The following PCDHGA6 variants were observed in gnomAD, a reference collection of about 807,000 sequenced individuals.
PCDHGA6 encodes the protein protocadherin gamma subfamily A, 6.
A neutral mutation model predicts 60.6 loss-of-function variants in PCDHGA6; 41 were observed. That is an observed-to-expected ratio of 0.68 (90% confidence interval 0.53 to 0.88). The LOEUF is 0.88. Ranked by LOEUF, PCDHGA6 falls within the 40% of genes least tolerant of loss-of-function variation. The pLI is 0.00. For missense variants in PCDHGA6, 1,312 were observed against 1,203.0 expected (o/e 1.09, Z -1.34); for synonymous variants, 594 against 524.4 (o/e 1.13, Z -1.81).
At position 141,491,201 on chromosome 5, in the gene PCDHGA6, C is replaced by T. The variant is rs752813291; in HGVS notation, c.2425-3606C>T. The T allele has an allele frequency of 3.7e-6, 6 of 1,614,226 alleles. No homozygotes were observed. The Admixed American group carries it at 5.0e-5, about 13-fold the overall frequency. On this transcript the variant is annotated intron_variant, in intron 1 of 3. Transcript: ENST00000517434. This position sits in a 1 kb window ranked among gnomAD's most constrained non-coding sequence, Gnocchi z 6.9. ...GTCCTGGTGAGGGACAATGGTGACCCTTCACTCTCCTCCACAGCCACAGTG... is the reference window on the plus strand; with the variant it reads ...GTCCTGGTGAGGGACAATGGTGACCTTTCACTCTCCTCCACAGCCACAGTG...
Position 141,476,035 on chromosome 5 carries a change from C to A in PCDHGA6, c.2425-18772C>A. On this transcript the variant is annotated intron_variant, in intron 1 of 3. Coordinates refer to ENST00000517434, the MANE Select transcript of PCDHGA6 (RefSeq NM_018919.3). This position sits in a 1 kb window ranked among gnomAD's most constrained non-coding sequence, Gnocchi z 7.6. ...CATGTCGGACTCGGCGCCCAGCGCCCAAGCGCTAACCCGCTGAAAGTTTCT... is the reference window on the plus strand; with the variant it reads ...CATGTCGGACTCGGCGCCCAGCGCCAAAGCGCTAACCCGCTGAAAGTTTCT... The A allele has an allele frequency of 1.4e-6, 2 of 1,466,592 alleles. No individual in the cohort carries two copies. The highest frequency in any genetic ancestry group is 1.8e-6 in the Non-Finnish European group (2 of 1,102,494). 90.8% of individuals were successfully genotyped at this position (1,466,592 alleles called of 1,614,324 possible). A position where few individuals can be genotyped will look rare whatever the true frequency, so the allele number is the denominator to read the frequency against.
intron 1 of PCDHGA6, among the ~76,000 whole-genome samples, chr5:141,474,420 T>C (rs1260451051): frequency 2.0e-5 from 3 of 152,226 alleles, no homozygotes; most frequent in Admixed American, 2.0e-4. Flanking sequence ...GCCTAGACCA[T>C]TGGTCCTCAC....
intron 1 of PCDHGA6, chr5:141,398,904 C>T: frequency 6.2e-7 from 1 of 1,613,930 alleles, no homozygotes; most frequent in Non-Finnish European, 8.5e-7. Context: ...CACCAGGCAC[C>T]ACTGTGTTGC....
chr5:141,375,203 C>T lies in PCDHGA6; in HGVS notation c.1120C>T (p.Arg374Ter), dbSNP rs1346536726. ...AATCGCCCTTTTTCAAGTGTTCGATCGAGACTCTGGCCTGAATGGCCTGGT... is the reference window on the plus strand; with the variant it reads ...AATCGCCCTTTTTCAAGTGTTCGATTGAGACTCTGGCCTGAATGGCCTGGT... ...TVIALFQVFD[R>*]DSGLNGLVTC... Residue 374 changes from arginine (R) to a stop codon, truncating the protein, a stop_gained, in exon 1 of 4, where the codon CGA (arginine) becomes TGA (stop). Transcript: ENST00000517434. LOFTEE classifies it high-confidence loss of function. 4.3e-6 allele frequency: 7 copies of T among 1,613,912 alleles called. No individual in the cohort carries two copies. The highest frequency in any genetic ancestry group is 5.1e-6 in the Non-Finnish European group (6 of 1,179,882).
intron 1 of PCDHGA6, chr5:141,404,042 A>G: frequency 3.1e-6 from 5 of 1,613,892 alleles, no homozygotes; most frequent in Non-Finnish European, 4.2e-6. Context: ...ACCTCAGGGA[A>G]CAGTAATTCT....
At chr5:141,409,858 G>A in intron 1 of PCDHGA6, 2 of 1,612,340 alleles carry the variant, frequency 1.2e-6, no homozygotes, top group Non-Finnish European at 1.7e-6. Context: ...GCGTGTTGGT[G>A]GGAGACCGCA....
rs147522770 is a variant in PCDHGA6, at chr5:141,504,573, C to T, written c.2484-820C>T. On this transcript the variant is annotated intron_variant, in intron 2 of 3. Coordinates refer to ENST00000517434, the MANE Select transcript of PCDHGA6 (RefSeq NM_018919.3). ...TGGGGGACTGGCATTCTAGGGAACA[C>T]CATCTGCCCAGGATTCACAGCAAGA... Among the ~76,000 whole-genome samples the T allele has an allele frequency of 5.4e-5, 8 of 148,158 alleles. No individual in the cohort carries two copies. In the East Asian group the frequency reaches 1.6e-3, roughly 30 times the overall value.
chr5:141,429,421 C>T (rs1223756901), intron 1 of PCDHGA6, among the ~76,000 whole-genome samples: 1 of 151,486 alleles, frequency 6.6e-6, no homozygotes, highest in Non-Finnish European at 1.5e-5. Context: ...CATTATGTTG[C>T]CCAGGCTGGA....
intron 1 of PCDHGA6, among the ~76,000 whole-genome samples, chr5:141,443,756 A>G (rs1234457212): frequency 6.6e-6 from 1 of 152,232 alleles, no homozygotes; most frequent in Non-Finnish European, 1.5e-5. Flanking sequence ...TTGGAAGCTT[A>G]CAATATACAA....
At position 141,374,852 on chromosome 5, in the gene PCDHGA6, G is replaced by C; in HGVS notation, c.769G>C (p.Val257Leu). The C allele has an allele frequency of 6.2e-7, 1 of 1,613,798 alleles. No homozygotes were observed. The highest frequency in any genetic ancestry group is 1.6e-4 in the Middle Eastern group (1 of 6,062). ...TGTAAGTGTTCCTGAAAACCTGCCA[G>C]TAGGCACACCAGTGTTGGCAGTGAC... ...YRVSVPENLP[V>L]GTPVLAVTAT... is the part of the protein sequence containing the mutation. The change falls in exon 1 of 4, where the codon GTA becomes CTA. Residue 257 changes from valine (V) to leucine (L), a missense_variant. Transcript: ENST00000517434.
chr5:141,404,932 C>A, intron 1 of PCDHGA6: 1 of 1,613,944 alleles, frequency 6.2e-7, no homozygotes, highest in Non-Finnish European at 8.5e-7. Flanking sequence ...CTGTCACGCT[C>A]ACAGTAGCCA....
At chr5:141,473,635 C>A (rs945632106) in intron 1 of PCDHGA6, among the ~76,000 whole-genome samples, 1 of 152,128 alleles carries the variant, frequency 6.6e-6, no homozygotes, top group African/African-American at 2.4e-5. Flanking sequence ...AGCAGCTTTC[C>A]TGGCAAAGGA....
At chr5:141,394,268 C>A in intron 1 of PCDHGA6, 3 of 1,613,946 alleles carry the variant, frequency 1.9e-6, no homozygotes, top group Non-Finnish European at 2.5e-6. Flanking sequence ...AGGAGAATGC[C>A]CAGGTCACTT....
intron 1 of PCDHGA6, chr5:141,427,612 T>G (rs975527074): frequency 2.9e-6 from 2 of 691,298 alleles, no homozygotes; most frequent in African/African-American, 1.8e-5. Flanking sequence ...ATTGGTGAAG[T>G]CAACGACAAT....
intron 1 of PCDHGA6, chr5:141,421,909 C>T: frequency 1.9e-6 from 3 of 1,613,710 alleles, no homozygotes; most frequent in Non-Finnish European, 2.5e-6. Context: ...GGGCGCAGTT[C>T]CCATTCGTGT....
rs551330964 is a variant in PCDHGA6, at chr5:141,388,155, G to T, written c.2424+11648G>T. On this transcript the variant is annotated intron_variant, in intron 1 of 3. Coordinates refer to ENST00000517434, the MANE Select transcript of PCDHGA6 (RefSeq NM_018919.3). ...GGAGTTGCTTGTGAGCAGCAGGCTA[G>T]ACAGGGAGGAGATATGCGGGAAGAA... is the stretch of plus-strand genomic sequence containing the variant. The T allele has an allele frequency of 1.2e-5, 18 of 1,469,902 alleles. No homozygotes were observed. The African/African-American group carries it at 2.5e-4, about 21-fold the overall frequency. 91.1% of individuals were successfully genotyped at this position (1,469,902 alleles called of 1,614,324 possible). A position where few individuals can be genotyped will look rare whatever the true frequency, so the allele number is the denominator to read the frequency against.
At chr5:141,393,314 C>T (rs2150518180) in intron 1 of PCDHGA6, 1 of 1,613,076 alleles carries the variant, frequency 6.2e-7, no homozygotes, top group Non-Finnish European at 8.5e-7. Flanking sequence ...TGAACTCCCT[C>T]CAGAGCTACC....
chr5:141,478,337 T>C (rs766980546), intron 1 of PCDHGA6: 1 of 1,613,942 alleles, frequency 6.2e-7, no homozygotes, highest in Non-Finnish European at 8.5e-7. Context: ...ACCAGGGCCC[T>C]CCTTGCACGC....
intron 3 of PCDHGA6, 89 bp from the exon 4 acceptor site, chr5:141,510,858 T>G: frequency 6.2e-7 from 1 of 1,606,182 alleles, no homozygotes; most frequent in Non-Finnish European, 8.5e-7. Context: ...GGGTGCTGTA[T>G]AGGCATTCAT....
Sources: allele counts gnomAD v4.1 joint callset (sites outside exome capture counted in the v4.1 genomes callset), GRCh38; gene constraint gnomAD v4.1.1; non-coding constraint Gnocchi (gnomAD v3.1); transcripts MANE v1.5; gene names NCBI Gene and HGNC (gene_info 2026-07-23, HGNC 2026-07-21).